The following LARGE1 variants were observed in gnomAD, a reference collection of about 807,000 sequenced individuals.
LARGE1 encodes xylosyl- and glucuronyltransferase LARGE1.
LARGE1 carries 43 observed loss-of-function variants against 87.6 expected under a neutral mutation model. The observed-to-expected ratio is 0.49, with a 90% confidence interval of 0.38 to 0.63. The LOEUF is 0.63. LARGE1 is among the 30% of genes least tolerant of loss of function. The pLI, the probability that LARGE1 is intolerant of heterozygous loss-of-function variation, is 0.00. For missense variants in LARGE1, 802 were observed against 1,000.2 expected, an observed-to-expected ratio of 0.80 and a Z score of 2.67; for synonymous variants, 434 against 394.6, an observed-to-expected ratio of 1.10 and a Z score of -1.18.
At chr22:33,266,628 T>C (rs1170150756) in intron 11 of LARGE1, among the ~76,000 whole-genome samples, 1 of 151,724 alleles carries the variant, frequency 6.6e-6, no homozygotes, top group Non-Finnish European at 1.5e-5. Flanking sequence ...AAAATGTATA[T>C]TGTCCAGCAT....
At chr22:33,284,074 G>A (rs1221640061) in intron 12 of LARGE1, among the ~76,000 whole-genome samples, 1 of 152,058 alleles carries the variant, frequency 6.6e-6, no homozygotes, top group East Asian at 1.9e-4. Context: ...AATAAACAGA[G>A]GGCAGACCAG....
intron 1 of LARGE1, among the ~76,000 whole-genome samples, chr22:33,909,317 C>A (rs560004168): frequency 2.5e-4 from 38 of 152,156 alleles, no homozygotes; most frequent in Non-Finnish European, 1.5e-5. Flanking sequence ...TCCAGCCTGG[C>A]GGCCCTTAGA....
At chr22:33,735,111 T>C (rs1390528264) in intron 2 of LARGE1, among the ~76,000 whole-genome samples, 1 of 152,190 alleles carries the variant, frequency 6.6e-6, no homozygotes, top group African/African-American at 2.4e-5. Flanking sequence ...GGTAGCAGTG[T>C]CCCTTCACTC....
rs114188055 is a variant in LARGE1, at chr22:33,563,908, G to T, written c.787+940C>A. On this transcript the variant is annotated intron_variant, in intron 6 of 14. Coordinates refer to ENST00000397394, the MANE Select transcript of LARGE1 (RefSeq NM_133642.5). Reference sequence around the variant, plus strand: ...TGAGAAGGAAGCAGGGAGTGACCAGGGCAAGCAAGGAAATTTACTCTCTGT... The same window carrying T: ...TGAGAAGGAAGCAGGGAGTGACCAGTGCAAGCAAGGAAATTTACTCTCTGT... Among the ~76,000 whole-genome samples the T allele has an allele frequency of 4.4e-3, 676 of 152,132 alleles. 4 individuals are homozygous for T. Among genetic ancestry groups the T allele is most frequent in the African/African-American group, 0.016 (651 of 41,496 alleles).
chr22:33,894,778 G>A (rs184359196), intron 1 of LARGE1, among the ~76,000 whole-genome samples: 240 of 152,160 alleles, frequency 1.6e-3, no homozygotes, highest in Non-Finnish European at 2.3e-3. Flanking sequence ...CTGTAAGTCA[G>A]GCACCATGAC....
intron 11 of LARGE1, among the ~76,000 whole-genome samples, chr22:33,264,137 G>T (rs1439957744): frequency 1.3e-5 from 2 of 152,206 alleles, no homozygotes; most frequent in Non-Finnish European, 2.9e-5. Flanking sequence ...AAACACAGAA[G>T]ATCAACTCCT....
intron 1 of LARGE1, among the ~76,000 whole-genome samples, chr22:33,794,260 G>T (rs2085913814): frequency 6.6e-6 from 1 of 152,174 alleles, no homozygotes; most frequent in Admixed American, 6.6e-5. Context: ...GACCACAAAA[G>T]ATGGTGTCTG....
chr22:33,210,282 GA>G (rs1924891963), intron 11 of LARGE1, among the ~76,000 whole-genome samples: 1 of 152,238 alleles, frequency 6.6e-6, no homozygotes. Flanking sequence ...GCCCTCCACA[GA>G]GCATGGTCTG....
chr22:33,454,362 G>A (rs2068049226), intron 6 of LARGE1, among the ~76,000 whole-genome samples: 1 of 152,086 alleles, frequency 6.6e-6, no homozygotes, highest in South Asian at 2.1e-4. Context: ...GCTCACACCT[G>A]TAATCTCAGC....
At chr22:33,146,806 T>G in the LARGE1 span, among the ~76,000 whole-genome samples, 2 of 152,144 alleles carry the variant, frequency 1.3e-5, no homozygotes, top group African/African-American at 4.8e-5. Flanking sequence ...CATGGAATTT[T>G]TACTTACACA....
At chr22:33,591,947 G>A (rs2078851613) in intron 5 of LARGE1, among the ~76,000 whole-genome samples, 1 of 150,650 alleles carries the variant, frequency 6.6e-6, no homozygotes, top group Non-Finnish European at 1.5e-5. Flanking sequence ...GATTGCTTGA[G>A]CCCAGGTATT....
downstream of LARGE1, among the ~76,000 whole-genome samples, chr22:33,271,816 C>T (rs1446135858): frequency 3.9e-5 from 6 of 152,208 alleles, no homozygotes; most frequent in South Asian, 2.1e-4. Context: ...GTTGGGCATC[C>T]GCCAATGTCT....
chr22:33,711,063 A>C (rs1395566966), intron 2 of LARGE1, among the ~76,000 whole-genome samples: 1 of 152,136 alleles, frequency 6.6e-6, no homozygotes, highest in East Asian at 1.9e-4. Flanking sequence ...CCAAGCAAGC[A>C]AGAGAGGGCC....
At chr22:33,555,019 C>A (rs2077633792) in intron 6 of LARGE1, among the ~76,000 whole-genome samples, 1 of 152,178 alleles carries the variant, frequency 6.6e-6, no homozygotes, top group South Asian at 2.1e-4. Flanking sequence ...ATTCAACCAA[C>A]CTGGACTGAA....
At chr22:33,531,226 C>T (rs1412415135) in intron 6 of LARGE1, among the ~76,000 whole-genome samples, 9 of 152,144 alleles carry the variant, frequency 5.9e-5, no homozygotes, top group Non-Finnish European at 8.8e-5. Context: ...GGCGCGATCT[C>T]GGCTCACTGC....
chr22:33,730,778 C>T (rs949704841), intron 2 of LARGE1, among the ~76,000 whole-genome samples: 3 of 151,866 alleles, frequency 2.0e-5, no homozygotes, highest in African/African-American at 4.8e-5. Context: ...GCAACCTCCG[C>T]GCCTCCCTGG....
intron 11 of LARGE1, among the ~76,000 whole-genome samples, chr22:33,206,160 G>A (rs574174819): frequency 1.4e-4 from 21 of 152,108 alleles, no homozygotes; most frequent in African/African-American, 4.8e-4. Flanking sequence ...GTTTCACTGC[G>A]TTAACCAAGA....
At chr22:33,636,709 T>C (rs1383207676) in intron 3 of LARGE1, among the ~76,000 whole-genome samples, 4 of 151,980 alleles carry the variant, frequency 2.6e-5, no homozygotes, top group Admixed American at 2.6e-4. Flanking sequence ...TGTATTTTTT[T>C]TTTGGAGAGA....
At chr22:33,419,721 C>T (rs2066627106) in intron 7 of LARGE1, among the ~76,000 whole-genome samples, 1 of 152,032 alleles carries the variant, frequency 6.6e-6, no homozygotes, top group African/African-American at 2.4e-5. Flanking sequence ...GATGGAGTCT[C>T]GCTCTATTGC....
Sources: allele counts gnomAD v4.1 joint callset (sites outside exome capture counted in the v4.1 genomes callset), GRCh38; gene constraint gnomAD v4.1.1; transcripts MANE v1.5; gene names NCBI Gene and HGNC (gene_info 2026-07-23, HGNC 2026-07-21).